The following GPATCH2L variants were observed in gnomAD, a reference collection of about 807,000 sequenced individuals.
GPATCH2L encodes G-patch domain containing 2 like, also known as G patch domain-containing protein 2-like.
In GPATCH2L, 31 loss-of-function variants were observed where a neutral mutation model predicts 57.4. That is an observed-to-expected ratio of 0.54 (90% CI 0.41 to 0.73). GPATCH2L has a LOEUF of 0.73. Among genes scored for constraint, GPATCH2L ranks in the 30% least tolerant of loss-of-function variants. The probability of loss-of-function intolerance (pLI) is 0.00; values close to 1 mark genes in which losing one functional copy is unlikely to be tolerated. For missense variants in GPATCH2L, 481 were observed against 599.9 expected (o/e 0.80, Z 2.07); for synonymous variants, 199 against 210.7 (o/e 0.94, Z 0.48).
chr14:76,192,861 T>G (rs576367717), intron 8 of GPATCH2L, among the ~76,000 whole-genome samples: 55 of 152,258 alleles, frequency 3.6e-4, no homozygotes, highest in African/African-American at 1.2e-3. Flanking sequence ...ACCAGAGGAA[T>G]TTACAAAATC....
chr14:76,164,947 G>C (rs888850130), intron 2 of GPATCH2L, among the ~76,000 whole-genome samples: 2 of 152,134 alleles, frequency 1.3e-5, no homozygotes, highest in Non-Finnish European at 2.9e-5. Context: ...AGGTTAGATA[G>C]AGAGATGTGA....
At chr14:76,226,721 G>T (rs892573450) in intron 1 of GPATCH2L, among the ~76,000 whole-genome samples, 4 of 152,178 alleles carry the variant, frequency 2.6e-5, no homozygotes, top group Admixed American at 6.5e-5. Flanking sequence ...CAGCAAGAAG[G>T]TTCTCATCAG....
At chr14:76,178,497 T>G in intron 7 of GPATCH2L, 1 of 227,658 alleles carries the variant, frequency 4.4e-6, no homozygotes, top group Non-Finnish European at 8.9e-6. Context: ...TGTACTTTAT[T>G]TCTGTTGTTA....
rs1388593397 is a variant in GPATCH2L at position 76,209,300 on chromosome 14, A to G, written c.*7449A>G. The G allele has an allele frequency of 6.6e-6, 1 of 152,274 alleles. No individual in the cohort carries two copies. Among genetic ancestry groups the G allele is most frequent in the African/African-American group, 2.4e-5 (1 of 41,428 alleles). 9.4% of individuals were successfully genotyped at this position (152,274 alleles called of 1,614,324 possible). ...CTGTATGCCAGTGAGTTCCTTTGCC[A>G]TACCACCTTAATGCACCAACTTAAA... On this transcript the variant is annotated 3_prime_UTR_variant, in exon 10 of 10. Coordinates refer to ENST00000261530, the MANE Select transcript of GPATCH2L (RefSeq NM_017926.4).
chr14:76,235,385 G>A (rs964400658), intron 2 of GPATCH2L, among the ~76,000 whole-genome samples: 1 of 152,086 alleles, frequency 6.6e-6, no homozygotes, highest in African/African-American at 2.4e-5. Context: ...ACTCGAATAA[G>A]TCTCATGAGA....
In GPATCH2L at chr14:76,211,991, A is replaced by C. The variant is rs898753313; in HGVS notation, c.*10140A>C. On this transcript the variant is annotated 3_prime_UTR_variant, in exon 10 of 10. Coordinates refer to ENST00000261530, the MANE Select transcript of GPATCH2L (RefSeq NM_017926.4). ...AAAGTGACTTATGTTCCATTATTAA[A>C]ATAGTATAGGGAGGACAGGTAAATT... The C allele has an allele frequency of 1.7e-4, 26 of 152,182 alleles. No homozygotes were observed. Among genetic ancestry groups the C allele is most frequent in the African/African-American group, 5.5e-4 (23 of 41,452 alleles). The allele number at this position is 152,182 out of a possible 1,614,324, so 9.4% of individuals were successfully genotyped here.
At chr14:76,223,246 T>C (rs2040523256) in intron 1 of GPATCH2L, among the ~76,000 whole-genome samples, 1 of 152,080 alleles carries the variant, frequency 6.6e-6, no homozygotes, top group South Asian at 2.1e-4. Context: ...TTAAAGAAAA[T>C]ATTAGAAAGT....
At chr14:76,198,179 G>T (rs1019477361) in intron 9 of GPATCH2L, among the ~76,000 whole-genome samples, 2 of 152,028 alleles carry the variant, frequency 1.3e-5, no homozygotes, top group African/African-American at 4.8e-5. Flanking sequence ...CTCCTTTACG[G>T]CTTTCTAGCA....
Position 76,179,720 on chromosome 14 carries a change from G to A in GPATCH2L, c.1108-1044G>A, listed in dbSNP as rs1185592865. The A allele has an allele frequency of 2.0e-5, 3 of 152,260 alleles. No homozygotes were observed. In the East Asian group the frequency reaches 5.8e-4, roughly 29 times the overall value. The allele number at this position is 152,260 out of a possible 1,614,324, so 9.4% of individuals were successfully genotyped here. On this transcript the variant is annotated intron_variant, in intron 7 of 9. Transcript: ENST00000261530. ...TATTAAGTTCTAAACTTTTTAGAGA[G>A]GACTGTTATGTTGTGGGAAAAGTCC...
intron 8 of GPATCH2L, among the ~76,000 whole-genome samples, chr14:76,193,019 A>G (rs574796901): frequency 9.9e-5 from 15 of 152,236 alleles, no homozygotes; most frequent in African/African-American, 3.6e-4. Context: ...AGGCTTAACA[A>G]TATCGCCTAG....
chr14:76,166,493 T>G (rs1475492401), intron 2 of GPATCH2L, among the ~76,000 whole-genome samples, 170 bp from the exon 3 acceptor site: 1 of 152,240 alleles, frequency 6.6e-6, no homozygotes, highest in Non-Finnish European at 1.5e-5. Flanking sequence ...CTTATATTTC[T>G]TTTGTTTGGG....
intron 1 of GPATCH2L, among the ~76,000 whole-genome samples, chr14:76,220,686 G>T (rs1425527973): frequency 6.6e-6 from 1 of 152,034 alleles, no homozygotes; most frequent in African/African-American, 2.4e-5. Flanking sequence ...ATCATATGCT[G>T]GTCTTTAAAG....
In GPATCH2L at chr14:76,188,564, T is replaced by C. The variant is rs555683702; in HGVS notation, c.1194-7314T>C. ...TTTGATTGGATTATTAGATTTTTTT[T>C]CTACAGGGTTGTTTGAGCTCCTTAT... On this transcript the variant is annotated intron_variant, in intron 8 of 9. Coordinates refer to ENST00000261530, the MANE Select transcript of GPATCH2L (RefSeq NM_017926.4). 4.4e-4 allele frequency among the ~76,000 whole-genome samples: 67 copies of C among 152,104 alleles called. 1 individual carries two copies. Among genetic ancestry groups the C allele is most frequent in the Admixed American group, 2.0e-3 (30 of 15,258 alleles).
intron 8 of GPATCH2L, among the ~76,000 whole-genome samples, chr14:76,181,355 T>C (rs1045125753): frequency 1.3e-5 from 2 of 152,224 alleles, no homozygotes; most frequent in Non-Finnish European, 2.9e-5. Flanking sequence ...GCTGCTTGTC[T>C]CAGCTCAGGT....
intron 2 of GPATCH2L, among the ~76,000 whole-genome samples, chr14:76,161,446 T>C (rs148148827): frequency 7.1e-4 from 108 of 152,270 alleles, no homozygotes; most frequent in African/African-American, 2.1e-3. Context: ...TGATTGTAGG[T>C]GATAAAGTAA....
Position 76,196,323 on chromosome 14 carries a change from T to C in GPATCH2L, c.1288+351T>C, listed in dbSNP as rs1410413267. On this transcript the variant is annotated intron_variant, in intron 9 of 9. Transcript: ENST00000261530. ...GGCAGTCACACAGGGTTATTTACTT[T>C]CTTATTTTGCATACAGTACAGTACA... 12 of 589,044 alleles carry C rather than the reference T, an allele frequency of 2.0e-5. No homozygotes were observed. The East Asian group carries it at 3.4e-4, about 17-fold the overall frequency. The allele number at this position is 589,044 out of a possible 1,614,324, so 36.5% of individuals were successfully genotyped here.
chr14:76,191,545 C>T (rs758085703), intron 8 of GPATCH2L, among the ~76,000 whole-genome samples: 3 of 152,120 alleles, frequency 2.0e-5, no homozygotes, highest in Non-Finnish European at 4.4e-5. Context: ...TGCCACATGA[C>T]AGCTTCCATT....
At chr14:76,176,424 A>G (rs573500141) in intron 5 of GPATCH2L, 199 bp from the exon 6 acceptor site, 13 of 559,982 alleles carry the variant, frequency 2.3e-5, no homozygotes, top group African/African-American at 1.5e-4. Context: ...GGAGAATAAT[A>G]AATGTAGGGT....
chr14:76,195,830 A>C, intron 8 of GPATCH2L, 48 bp from the exon 9 acceptor site: 1 of 1,372,614 alleles, frequency 7.3e-7, no homozygotes, highest in Non-Finnish European at 1.0e-6. Context: ...ATGTCTTACA[A>C]TAAGAATTAA....
Sources: gnomAD v4.1 joint callset for allele counts (sites outside exome capture counted in the v4.1 genomes callset) on GRCh38, gnomAD v4.1.1 for gene constraint, MANE v1.5 for transcripts, NCBI Gene and HGNC (gene_info 2026-07-23, HGNC 2026-07-21) for gene names.